RNF216: variants seen among roughly 807,000 people sequenced by gnomAD.
RNF216 encodes E3 ubiquitin-protein ligase RNF216.
In RNF216, 72 loss-of-function variants were observed where a neutral mutation model predicts 110.8. The ratio of observed to expected loss-of-function variants is 0.65; its 90% CI spans 0.54 to 0.79. The LOEUF (loss-of-function observed/expected upper bound fraction) is 0.79, where lower values mean the gene tolerates loss of function less well. Ranked by LOEUF, RNF216 falls within the 30% of genes least tolerant of loss-of-function variation. RNF216 has a pLI of 0.00. For missense variants in RNF216, 1,342 were observed against 1,141.2 expected, an observed-to-expected ratio of 1.18 and a Z score of -2.54; for synonymous variants, 495 against 407.5, an observed-to-expected ratio of 1.21 and a Z score of -2.59.
At chr7:5,773,452 A>C (rs960004458) in intron 1 of RNF216, among the ~76,000 whole-genome samples, 1 of 152,180 alleles carries the variant, frequency 6.6e-6, no homozygotes, top group African/African-American at 2.4e-5. Context: ...CATGTTGGCC[A>C]GGCTGGTTTC....
chr7:5,648,581 A>T (rs1341363730), intron 14 of RNF216, among the ~76,000 whole-genome samples: 1 of 151,796 alleles, frequency 6.6e-6, no homozygotes, highest in African/African-American at 2.4e-5. Flanking sequence ...AAAAAAAATT[A>T]GCCAGGCATG....
At chr7:5,700,397 G>A (rs1189135253) in intron 13 of RNF216, among the ~76,000 whole-genome samples, 1 of 152,188 alleles carries the variant, frequency 6.6e-6, no homozygotes, top group Non-Finnish European at 1.5e-5. Flanking sequence ...TATTTTGTAG[G>A]TATCAATTCT....
Position 5,725,371 on chromosome 7 carries a change from C to G in RNF216, c.1457G>C (p.Arg486Thr), listed in dbSNP as rs1468965901. ...GTAAGAATACTGGTTCATTTGTTTT[C>G]TCTTCTTCCTTTTTCCACTGGTTTC... Reference protein sequence around the residue: ...SPETSGKRKKRKQMNQYSYID... With the variant: ...SPETSGKRKKTKQMNQYSYID... Residue 486 changes from arginine (R) to threonine (T), a missense_variant, in exon 8 of 17, where the codon AGA becomes ACA. By Grantham distance (71) the Arg-to-Thr change is moderately conservative. Transcript: ENST00000389902. 2 of 1,613,690 alleles carry G rather than the reference C, an allele frequency of 1.2e-6. No homozygotes were observed. The highest frequency in any genetic ancestry group is 1.3e-5 in the African/African-American group (1 of 74,908).
At chr7:5,664,268 G>T (rs1789360357) in intron 13 of RNF216, among the ~76,000 whole-genome samples, 1 of 152,154 alleles carries the variant, frequency 6.6e-6, no homozygotes, top group Admixed American at 6.5e-5. Flanking sequence ...ATGAGAAAAT[G>T]AAATTATTAA....
At chr7:5,708,052 G>C (rs1375686111) in intron 13 of RNF216, among the ~76,000 whole-genome samples, 1 of 152,132 alleles carries the variant, frequency 6.6e-6, no homozygotes, top group Admixed American at 6.5e-5. Context: ...CATACTTTGT[G>C]AATTTTCTTG....
intron 15 of RNF216, among the ~76,000 whole-genome samples, chr7:5,627,556 G>C (rs1475734799): frequency 6.6e-6 from 1 of 152,110 alleles, no homozygotes; most frequent in Non-Finnish European, 1.5e-5. Context: ...GATCATCCTG[G>C]CTAACACGGT....
chr7:5,737,988 T>C (rs1044574076), intron 5 of RNF216, among the ~76,000 whole-genome samples: 22 of 149,722 alleles, frequency 1.5e-4, no homozygotes, highest in African/African-American at 5.3e-4. Flanking sequence ...CTCAGGAGAC[T>C]GAGCAGGAGA....
At chr7:5,777,164 A>G (rs2128686216) in intron 1 of RNF216, among the ~76,000 whole-genome samples, 1 of 152,268 alleles carries the variant, frequency 6.6e-6, no homozygotes, top group African/African-American at 2.4e-5. Flanking sequence ...CATGTGAACG[A>G]AGAAGACATT....
intron 13 of RNF216, among the ~76,000 whole-genome samples, chr7:5,678,572 C>T (rs564727379): frequency 1.6e-3 from 242 of 152,326 alleles, no homozygotes; most frequent in African/African-American, 5.6e-3. Context: ...AGTGACCTCA[C>T]CTCTCCCAGC....
chr7:5,714,210 C>T (rs1436459288), intron 11 of RNF216, among the ~76,000 whole-genome samples: 2 of 152,162 alleles, frequency 1.3e-5, no homozygotes, highest in African/African-American at 4.8e-5. Flanking sequence ...ATCCACCCAA[C>T]TTAGCCTCCC....
At chr7:5,710,007 G>A (rs1792565705) in intron 13 of RNF216, among the ~76,000 whole-genome samples, 2 of 152,142 alleles carry the variant, frequency 1.3e-5, no homozygotes, top group African/African-American at 4.8e-5. Flanking sequence ...TCCTGCCTCA[G>A]CCTCTCAAAG....
At chr7:5,687,394 C>CAAAAAAAAAAAAAAAAA (rs372177142) in intron 13 of RNF216, among the ~76,000 whole-genome samples, 1 of 49,866 alleles carries the variant, frequency 2.0e-5, no homozygotes, top group South Asian at 7.2e-4. Context: ...AACTCCACCT[C>CAAAAAAAAAAAAAAAAA]AAAAAAAAAA....
chr7:5,781,392 G>A (rs1403343355), intron 1 of RNF216, 149 bp downstream of exon 1: 1 of 152,256 alleles, frequency 6.6e-6, no homozygotes, highest in East Asian at 1.9e-4. Flanking sequence ...TCCCGCCCGG[G>A]CCTCGGCCCG....
chr7:5,718,714 C>A (rs1793223509), intron 9 of RNF216, among the ~76,000 whole-genome samples: 1 of 152,040 alleles, frequency 6.6e-6, no homozygotes, highest in African/African-American at 2.4e-5. Context: ...CCATGCCCAG[C>A]TAATTTATTT....
chr7:5,735,062 C>G (rs1159326967), intron 5 of RNF216, among the ~76,000 whole-genome samples: 1 of 151,886 alleles, frequency 6.6e-6, no homozygotes, highest in East Asian at 1.9e-4. Flanking sequence ...AGAAGAATCG[C>G]TCGAACCCAG....
intron 14 of RNF216, among the ~76,000 whole-genome samples, chr7:5,643,419 G>A (rs1787861146): frequency 6.6e-6 from 1 of 151,360 alleles, no homozygotes; most frequent in South Asian, 2.1e-4. Context: ...GTGCTCCCGG[G>A]GCAGGACAGG....
intron 15 of RNF216, among the ~76,000 whole-genome samples, chr7:5,633,966 C>T (rs1047379573): frequency 6.6e-6 from 1 of 152,150 alleles, no homozygotes; most frequent in Non-Finnish European, 1.5e-5. Context: ...CAGGAGAAAA[C>T]GAAGAAAGAG....
intron 1 of RNF216, among the ~76,000 whole-genome samples, chr7:5,761,927 C>T (rs541565384): frequency 6.6e-6 from 1 of 152,284 alleles, no homozygotes; most frequent in South Asian, 2.1e-4. Context: ...TAGCAATACG[C>T]CCTAAATTAC....
intron 9 of RNF216, among the ~76,000 whole-genome samples, chr7:5,718,106 T>C (rs981617194): frequency 6.6e-5 from 10 of 152,168 alleles, no homozygotes; most frequent in Admixed American, 4.6e-4. Context: ...GGGGGCCAGG[T>C]GCAGTGGCTC....
Sources: allele counts gnomAD v4.1 joint callset (sites outside exome capture counted in the v4.1 genomes callset), GRCh38; gene constraint gnomAD v4.1.1; transcripts MANE v1.5; gene names NCBI Gene and HGNC (gene_info 2026-07-23, HGNC 2026-07-21).